Variants in GMDS observed in about 807,000 individuals in gnomAD.
GMDS encodes the protein GDP-mannose 4,6 dehydratase.
A neutral mutation model predicts 49.9 loss-of-function variants in GMDS; 20 were observed. That is an observed-to-expected ratio of 0.40 (90% confidence interval 0.28 to 0.58). The LOEUF is 0.58. GMDS is among the 20% of genes least tolerant of loss of function. The probability of loss-of-function intolerance (pLI) is 0.42; values close to 1 mark genes in which losing one functional copy is unlikely to be tolerated. For synonymous variants in GMDS, 177 were observed against 178.6 expected (o/e 0.99, Z 0.07); for missense variants, 362 against 481.4 (o/e 0.75, Z 2.32).
At chr6:2,102,106 TGTA>T (rs1203209649) in intron 4 of GMDS, among the ~76,000 whole-genome samples, 2 of 152,134 alleles carry the variant, frequency 1.3e-5, no homozygotes, top group African/African-American at 4.8e-5. Context: ...TTTTGTAAGA[TGTA>T]GTCACGTAAA....
intron 9 of GMDS, among the ~76,000 whole-genome samples, chr6:1,720,887 C>T (rs2113422734): frequency 6.6e-6 from 1 of 152,122 alleles, no homozygotes; most frequent in East Asian, 1.9e-4. Context: ...GATCTAATTT[C>T]CTGCTTTGGG....
chr6:1,996,990 G>T (rs1766322262), intron 4 of GMDS, among the ~76,000 whole-genome samples: 1 of 151,704 alleles, frequency 6.6e-6, no homozygotes. Context: ...TAAGTCTTCT[G>T]ATGCCCACCT....
chr6:2,127,649 C>T (rs1156335926), intron 1 of GMDS, among the ~76,000 whole-genome samples: 4 of 152,218 alleles, frequency 2.6e-5, no homozygotes, highest in Non-Finnish European at 5.9e-5. Context: ...GGGCCTGGGC[C>T]GCACAATGAG....
intron 7 of GMDS, among the ~76,000 whole-genome samples, chr6:1,923,226 A>G (rs1172910080): frequency 1.3e-5 from 2 of 152,100 alleles, no homozygotes; most frequent in Admixed American, 6.5e-5. Flanking sequence ...CCATCCTTCA[A>G]GTGTCCACAC....
chr6:1,953,740 C>A (rs1411149177), intron 6 of GMDS, among the ~76,000 whole-genome samples: 2 of 152,116 alleles, frequency 1.3e-5, no homozygotes, highest in Non-Finnish European at 2.9e-5. Context: ...CAATTTATAG[C>A]ATAATCTTTA....
At position 1,778,455 on chromosome 6, in the gene GMDS, C is replaced by G. The variant is rs1298449957; in HGVS notation, c.772-35869G>C. Among the ~76,000 whole-genome samples the G allele has an allele frequency of 6.6e-6, 1 of 152,120 alleles. No homozygotes were observed. Among genetic ancestry groups the G allele is most frequent in the Non-Finnish European group, 1.5e-5 (1 of 68,016 alleles). Reference sequence around the variant, plus strand: ...GGCGGGCACTGTGCTGAGGAGTGGCCAAGGAACTGTGGAATTCAAGAGGAG... The same window carrying G: ...GGCGGGCACTGTGCTGAGGAGTGGCGAAGGAACTGTGGAATTCAAGAGGAG... On this transcript the variant is annotated intron_variant, in intron 7 of 10. Transcript: ENST00000380815. This position sits in a 1 kb window ranked among gnomAD's most constrained non-coding sequence, Gnocchi z 4.6.
chr6:1,918,477 T>A (rs1761526789), intron 7 of GMDS, among the ~76,000 whole-genome samples: 1 of 152,190 alleles, frequency 6.6e-6, no homozygotes, highest in South Asian at 2.1e-4. Flanking sequence ...CCGGGCATGG[T>A]GGCTCATACC....
At chr6:1,684,501 A>G (rs778415520) in intron 9 of GMDS, among the ~76,000 whole-genome samples, 1 of 152,222 alleles carries the variant, frequency 6.6e-6, no homozygotes, top group Non-Finnish European at 1.5e-5. Flanking sequence ...AACGAAGACT[A>G]TGAAATGAAT....
At position 1,795,295 on chromosome 6, in the gene GMDS, G is replaced by GT. The variant is rs539741186; in HGVS notation, c.772-52710dup. ...AAAGACTCTGAGGTACAGATTTTTT[G>GT]TTTTTTAAGGAATTCCCAGTTATAT... On this transcript the variant is annotated intron_variant, in intron 7 of 10. Transcript: ENST00000380815. Among the ~76,000 whole-genome samples, 367 of 152,186 alleles carry GT rather than the reference G, an allele frequency of 2.4e-3. 1 individual carries two copies. Among genetic ancestry groups the GT allele is most frequent in the African/African-American group, 7.6e-3 (316 of 41,544 alleles).
chr6:1,698,809 G>C (rs1303171304), intron 9 of GMDS, among the ~76,000 whole-genome samples: 1 of 140,522 alleles, frequency 7.1e-6, no homozygotes, highest in Non-Finnish European at 1.6e-5. Context: ...TTTTTTTGGT[G>C]GGGGCACATA....
chr6:1,832,695 G>C (rs1756718193), intron 7 of GMDS, among the ~76,000 whole-genome samples: 1 of 152,200 alleles, frequency 6.6e-6, no homozygotes, highest in Non-Finnish European at 1.5e-5. Context: ...TGCATTGTTA[G>C]CTTGACTGCA....
At chr6:1,960,125 C>G (rs970927207) in intron 5 of GMDS, among the ~76,000 whole-genome samples, 154 bp from the exon 6 acceptor site, 1 of 152,200 alleles carries the variant, frequency 6.6e-6, no homozygotes, top group African/African-American at 2.4e-5. Flanking sequence ...AAGGTTATTA[C>G]ACCTGTCAAT....
intron 1 of GMDS, among the ~76,000 whole-genome samples, chr6:2,172,972 T>A (rs972880879): frequency 6.6e-6 from 1 of 152,182 alleles, no homozygotes; most frequent in Non-Finnish European, 1.5e-5. Context: ...AAAGAAAATT[T>A]GAAAATTTCA....
intron 9 of GMDS, among the ~76,000 whole-genome samples, chr6:1,637,194 A>G (rs1763181800): frequency 6.6e-6 from 1 of 152,200 alleles, no homozygotes; most frequent in Non-Finnish European, 1.5e-5. Flanking sequence ...GTGACTCAGC[A>G]GATTGTCAGG....
At chr6:1,969,383 T>C (rs899728170) in intron 4 of GMDS, among the ~76,000 whole-genome samples, 2 of 151,416 alleles carry the variant, frequency 1.3e-5, no homozygotes, top group Non-Finnish European at 2.9e-5. Flanking sequence ...TTCTAAAGTG[T>C]AAATGAATTA....
At chr6:1,852,974 T>A (rs917179449) in intron 7 of GMDS, among the ~76,000 whole-genome samples, 28 of 151,350 alleles carry the variant, frequency 1.9e-4, no homozygotes, top group African/African-American at 6.1e-4. Context: ...AGTGCTGGGA[T>A]TACAGGCTTG....
At chr6:2,117,332 A>C (rs899894060) in intron 3 of GMDS, 137 bp downstream of exon 3, 2 of 639,580 alleles carry the variant, frequency 3.1e-6, no homozygotes, top group African/African-American at 3.7e-5. Context: ...AATCGTATTC[A>C]GTGCAGTAAT....
chr6:1,974,925 C>G (rs570236957), intron 4 of GMDS, among the ~76,000 whole-genome samples: 24 of 150,716 alleles, frequency 1.6e-4, no homozygotes, highest in African/African-American at 5.8e-4. Context: ...GTAATCCTAG[C>G]TACTTGGGAG....
chr6:1,843,314 G>A (rs1179539063), intron 7 of GMDS, among the ~76,000 whole-genome samples: 2 of 152,198 alleles, frequency 1.3e-5, no homozygotes, highest in East Asian at 1.9e-4. Context: ...GCCCACTCAT[G>A]CACAAAGCAG....
Sources: allele counts gnomAD v4.1 joint callset (sites outside exome capture counted in the v4.1 genomes callset), GRCh38; gene constraint gnomAD v4.1.1; non-coding constraint Gnocchi (gnomAD v3.1); transcripts MANE v1.5; gene names NCBI Gene and HGNC (gene_info 2026-07-23, HGNC 2026-07-21).